The following EYS variants were observed in gnomAD, a reference collection of about 807,000 sequenced individuals.
The protein encoded by EYS is EGF-like photoreceptor maintenance factor, also known as protein eyes shut homolog.
A neutral mutation model predicts 282.1 loss-of-function variants in EYS; 250 were observed. That is an observed-to-expected ratio of 0.89 (90% CI 0.80 to 0.98). The LOEUF (loss-of-function observed/expected upper bound fraction) is 0.98. Ranked by LOEUF, EYS falls within the 50% of genes least tolerant of loss-of-function variation. The pLI is 0.00. For missense variants in EYS, 4,016 were observed against 3,709.0 expected (o/e 1.08, Z -2.15); for synonymous variants, 1,355 against 1,282.9 (o/e 1.06, Z -1.20).
At chr6:65,439,678 A>T (rs1237396334) in intron 5 of EYS, among the ~76,000 whole-genome samples, 1 of 152,022 alleles carries the variant, frequency 6.6e-6, no homozygotes. Flanking sequence ...AAGAATGCTT[A>T]TGACTTTTGC....
chr6:63,761,047 ATTT>A (rs60604492), intron 41 of EYS, among the ~76,000 whole-genome samples: 7 of 138,246 alleles, frequency 5.1e-5, no homozygotes, highest in Admixed American at 7.3e-5. Flanking sequence ...TATTTAACCG[ATTT>A]TTTTTTTTTT....
intron 5 of EYS, among the ~76,000 whole-genome samples, chr6:65,430,815 C>T (rs1767857703): frequency 6.6e-6 from 1 of 152,128 alleles, no homozygotes; most frequent in Admixed American, 6.5e-5. Flanking sequence ...GGAAAGGATC[C>T]AGTCCTGGCA....
intron 13 of EYS, among the ~76,000 whole-genome samples, chr6:65,015,193 C>T (rs2150135343): frequency 6.6e-6 from 1 of 152,168 alleles, no homozygotes; most frequent in East Asian, 1.9e-4. Flanking sequence ...TAGTTACAGC[C>T]ATTATAGGAA....
intron 5 of EYS, among the ~76,000 whole-genome samples, chr6:65,479,679 T>C (rs978849481): frequency 3.3e-5 from 5 of 152,270 alleles, no homozygotes; most frequent in African/African-American, 1.2e-4. Context: ...GAGTGGATTA[T>C]AAACCTAAAC....
intron 26 of EYS, among the ~76,000 whole-genome samples, chr6:64,488,058 T>C (rs542730034): frequency 3.3e-5 from 5 of 151,236 alleles, no homozygotes; most frequent in African/African-American, 1.2e-4. Context: ...CAATTATTTG[T>C]ATAGTTCATA....
At chr6:65,350,186 A>C (rs890019631) in intron 9 of EYS, among the ~76,000 whole-genome samples, 2 of 151,518 alleles carry the variant, frequency 1.3e-5, no homozygotes. Flanking sequence ...TCCCTAAAAT[A>C]CTTAATAGAT....
At chr6:63,864,432 A>G in intron 35 of EYS, 74 bp from the exon 36 acceptor site, 1 of 1,010,810 alleles carries the variant, frequency 9.9e-7, no homozygotes. Context: ...ATATATACAC[A>G]TGCATGAACA....
intron 2 of EYS, among the ~76,000 whole-genome samples, chr6:65,535,361 T>C (rs1442800111): frequency 6.6e-6 from 1 of 152,094 alleles, no homozygotes; most frequent in Non-Finnish European, 1.5e-5. Flanking sequence ...TGGGGGCAGG[T>C]CTTTCCGGTG....
intron 31 of EYS, among the ~76,000 whole-genome samples, chr6:64,214,354 A>G (rs1334929920): frequency 6.6e-6 from 1 of 152,144 alleles, no homozygotes; most frequent in Non-Finnish European, 1.5e-5. Flanking sequence ...CACAACAGAT[A>G]TGACTTTTAG....
At chr6:65,368,360 T>C (rs890824406) in intron 8 of EYS, among the ~76,000 whole-genome samples, 2 of 151,636 alleles carry the variant, frequency 1.3e-5, no homozygotes, top group African/African-American at 4.8e-5. Context: ...CCTTCACACA[T>C]AATGGAAGTT....
At chr6:64,868,033 G>C (rs535810817) in intron 19 of EYS, among the ~76,000 whole-genome samples, 3 of 151,110 alleles carry the variant, frequency 2.0e-5, no homozygotes, top group African/African-American at 7.3e-5. Flanking sequence ...TGGATTGTTC[G>C]AATACTCATA....
At position 64,309,393 on chromosome 6, in the gene EYS, G is replaced by C. The variant is rs181124531; in HGVS notation, c.6079-2311C>G. Among the ~76,000 whole-genome samples, 61 of 152,142 alleles carry C rather than the reference G, an allele frequency of 4.0e-4. 1 individual carries two copies. The East Asian group carries it at 0.011, about 27-fold the overall frequency. On this transcript the variant is annotated intron_variant, in intron 29 of 42. Transcript: ENST00000503581. ...TATTAATTTATTCACCTTGGGCTTT[G>C]AAAAATGGCAAGAAAAAATTTCCCA... is the stretch of plus-strand genomic sequence containing the variant.
At position 63,806,202 on chromosome 6, in the gene EYS, G is replaced by C; in HGVS notation, c.7399C>G (p.Gln2467Glu). Residue 2467 changes from glutamine (Q) to glutamate (E), a missense_variant, in exon 37 of 43, where the codon CAG (glutamine) becomes GAG (glutamate). Gln to Glu is a conservative substitution (Grantham distance 29). Coordinates refer to ENST00000503581, the MANE Select transcript of EYS (RefSeq NM_001142800.2). ...CAGTTAATCTTACCATGGCCTTTCT[G>C]TCCAGTAAAAAATATCAAGTTATTT... The part of the protein sequence containing the change: ...LQNNLIFFTG[Q>E]KGHGLNGDDF... The C allele has an allele frequency of 6.4e-7, 1 of 1,551,304 alleles. No homozygotes were observed. Among genetic ancestry groups the C allele is most frequent in the Non-Finnish European group, 8.7e-7 (1 of 1,146,726 alleles).
At chr6:65,633,494 A>C (rs1332471389) in intron 2 of EYS, among the ~76,000 whole-genome samples, 2 of 152,180 alleles carry the variant, frequency 1.3e-5, no homozygotes, top group Non-Finnish European at 2.9e-5. Context: ...AGGTAGGCGA[A>C]GTAGGTTTTA....
At chr6:64,210,111 T>C (rs1334417559) in intron 31 of EYS, among the ~76,000 whole-genome samples, 1 of 152,262 alleles carries the variant, frequency 6.6e-6, no homozygotes, top group Non-Finnish European at 1.5e-5. Context: ...TGATTAATGC[T>C]GCTCTGATTT....
At chr6:64,976,764 G>A (rs868645062) in intron 14 of EYS, among the ~76,000 whole-genome samples, 1 of 151,674 alleles carries the variant, frequency 6.6e-6, no homozygotes, top group African/African-American at 2.4e-5. Flanking sequence ...AGACAAAAGA[G>A]AACTATGTTT....
At chr6:64,388,907 T>A in intron 28 of EYS, 67 bp from the exon 29 acceptor site, 1 of 996,096 alleles carries the variant, frequency 1.0e-6, no homozygotes, top group Non-Finnish European at 1.4e-6. Context: ...ACAAATTAAT[T>A]AAACTATTAT....
At chr6:64,699,736 T>C (rs1326910748) in intron 22 of EYS, among the ~76,000 whole-genome samples, 1 of 152,026 alleles carries the variant, frequency 6.6e-6, no homozygotes, top group East Asian at 1.9e-4. Context: ...CCAAGACTGG[T>C]CAAATTCACA....
chr6:63,841,649 G>A (rs1015114132), intron 36 of EYS, among the ~76,000 whole-genome samples: 1 of 152,038 alleles, frequency 6.6e-6, no homozygotes, highest in Admixed American at 6.6e-5. Context: ...TGGGATACAT[G>A]TGCAGAACGT....
Sources: allele counts gnomAD v4.1 joint callset (sites outside exome capture counted in the v4.1 genomes callset), GRCh38; gene constraint gnomAD v4.1.1; transcripts MANE v1.5; gene names NCBI Gene and HGNC (gene_info 2026-07-23, HGNC 2026-07-21).